Variants in SERPINB8 observed in about 807,000 individuals in gnomAD.
The protein encoded by SERPINB8 is serpin B8.
Under a neutral mutation model 35.3 loss-of-function variants are expected in SERPINB8, and 25 were observed. The observed-to-expected ratio is 0.71, with a 90% CI of 0.52 to 0.99. The LOEUF (loss-of-function observed/expected upper bound fraction) is 0.99. Ranked by LOEUF, SERPINB8 falls within the 50% of genes least tolerant of loss-of-function variation. The pLI, the probability that SERPINB8 is intolerant of heterozygous loss-of-function variation, is 0.00. For missense variants in SERPINB8, 484 were observed against 446.5 expected (o/e 1.08, Z -0.76); for synonymous variants, 186 against 160.8 (o/e 1.16, Z -1.19).
intron 1 of SERPINB8, among the ~76,000 whole-genome samples, chr18:63,974,405 C>T (rs908448858): frequency 4.6e-5 from 7 of 152,024 alleles, no homozygotes; most frequent in Non-Finnish European, 1.0e-4. Flanking sequence ...GGAGGTAGTT[C>T]GTAGGTATTT....
intron 1 of SERPINB8, among the ~76,000 whole-genome samples, chr18:64,001,530 G>T (rs1305433544): frequency 1.3e-5 from 2 of 151,560 alleles, no homozygotes; most frequent in African/African-American, 2.4e-5. Flanking sequence ...TGCTCTTGTT[G>T]CCCAGGCTGG....
In SERPINB8 at chr18:63,987,223, T is replaced by C. The variant is rs759568924; in HGVS notation, c.1070T>C (p.Ile357Thr). The change falls in exon 7 of 7, where the codon ATC becomes ACC. Residue 357 changes from isoleucine to threonine, a missense_variant. Coordinates refer to ENST00000397985, the MANE Select transcript of SERPINB8 (RefSeq NM_002640.4). ...GCAGACCACCCTTTTCTTTTCTTCATCAGGCACCACAAAACCAACTGCATC... is the reference window on the plus strand; with the variant it reads ...GCAGACCACCCTTTTCTTTTCTTCACCAGGCACCACAAAACCAACTGCATC... ...FCADHPFLFF[I>T]RHHKTNCILF... 6.2e-7 allele frequency: 1 copy of C among 1,614,136 alleles called. No homozygotes were observed. Among genetic ancestry groups the C allele is most frequent in the South Asian group, 1.1e-5 (1 of 91,072 alleles).
chr18:64,018,349 G>T (rs1286391669), intron 7 of SERPINB8, among the ~76,000 whole-genome samples: 1 of 152,100 alleles, frequency 6.6e-6, no homozygotes, highest in Non-Finnish European at 1.5e-5. Context: ...GGAAACAAAA[G>T]AACCAGAAGG....
intron 3 of SERPINB8, among the ~76,000 whole-genome samples, 166 bp downstream of exon 3, chr18:63,980,104 A>G (rs1012521063): frequency 6.6e-6 from 1 of 152,174 alleles, no homozygotes; most frequent in Non-Finnish European, 1.5e-5. Flanking sequence ...TCCTTTGTAA[A>G]TTGTTACTGA....
At chr18:63,978,841 CAT>C (rs572944984) in intron 2 of SERPINB8, among the ~76,000 whole-genome samples, 33 of 150,500 alleles carry the variant, frequency 2.2e-4, no homozygotes, top group Non-Finnish European at 3.2e-4. Context: ...TTTTAATAGA[CAT>C]GTGGGTGCGT....
chr18:63,978,185 G>A (rs2050612142), intron 1 of SERPINB8, 114 bp from the exon 2 acceptor site: 1 of 1,056,900 alleles, frequency 9.5e-7, no homozygotes, highest in East Asian at 2.4e-5. Flanking sequence ...GGAAGTCTTT[G>A]GAGGGTGGTT....
At chr18:64,003,907 C>A (rs778955105) in intron 1 of SERPINB8, among the ~76,000 whole-genome samples, 1 of 152,164 alleles carries the variant, frequency 6.6e-6, no homozygotes, top group South Asian at 2.1e-4. Context: ...ACAGACATAC[C>A]TAGCATAATG....
intron 1 of SERPINB8, among the ~76,000 whole-genome samples, chr18:64,002,461 C>T (rs950565865): frequency 3.3e-5 from 5 of 152,196 alleles, no homozygotes; most frequent in Non-Finnish European, 7.3e-5. Context: ...TCTTGCCCCT[C>T]CTCCAAAATC....
At chr18:64,013,302 T>C (rs923216670) in intron 7 of SERPINB8, among the ~76,000 whole-genome samples, 6 of 152,132 alleles carry the variant, frequency 3.9e-5, no homozygotes, top group African/African-American at 1.4e-4. Context: ...GATTTATCCA[T>C]CAATAGCCAT....
intron 7 of SERPINB8, among the ~76,000 whole-genome samples, chr18:64,017,482 G>A (rs1365807800): frequency 6.6e-6 from 1 of 152,036 alleles, no homozygotes; most frequent in Non-Finnish European, 1.5e-5. Flanking sequence ...TGATGATGAA[G>A]TTAACAAAAA....
chr18:63,987,409 G>A lies in SERPINB8; in HGVS notation c.*131G>A, dbSNP rs1164760119. 9.1e-6 allele frequency: 9 copies of A among 991,152 alleles called. No individual in the cohort carries two copies. The highest frequency in any genetic ancestry group is 1.0e-5 in the Non-Finnish European group (7 of 676,282). 61.4% of individuals were successfully genotyped at this position (991,152 alleles called of 1,614,324 possible). ...CGTGTGCACTGGATAGTGTGTGAAA[G>A]TCTTTGCTGAAAGTTCCAGAGCCAT... is the stretch of plus-strand genomic sequence containing the variant. On this transcript the variant is annotated 3_prime_UTR_variant, in exon 7 of 7. Coordinates refer to ENST00000397985, the MANE Select transcript of SERPINB8 (RefSeq NM_002640.4).
intron 1 of SERPINB8, among the ~76,000 whole-genome samples, chr18:63,973,815 C>T (rs2050533646): frequency 6.6e-6 from 1 of 152,182 alleles, no homozygotes; most frequent in Non-Finnish European, 1.5e-5. Flanking sequence ...GGTATTATTT[C>T]TGAGGCCTCT....
At chr18:64,013,183 C>A (rs1308907293) in intron 7 of SERPINB8, among the ~76,000 whole-genome samples, 1 of 151,328 alleles carries the variant, frequency 6.6e-6, no homozygotes, top group African/African-American at 2.5e-5. Context: ...TCTCTTTCTT[C>A]CCCCCGCTCC....
chr18:63,983,695 A>G lies in SERPINB8; in HGVS notation c.541A>G (p.Arg181Gly). 2 of 1,613,996 alleles carry G rather than the reference A, an allele frequency of 1.2e-6. No homozygotes were observed. The highest frequency in any genetic ancestry group is 1.7e-6 in the Non-Finnish European group (2 of 1,179,838). Residue 181 changes from arginine (R) to glycine (G), a missense_variant, in exon 5 of 7, where the codon AGG (arginine) becomes GGG (glycine). Transcript: ENST00000397985. ...TGAGCAATTTGACAGAAAGTACACA[A>G]GGGGAATGCTCTTTAAAACCAACGA... ...WNEQFDRKYT[R>G]GMLFKTNEEK...
At chr18:64,017,034 C>T (rs1056855448) in intron 7 of SERPINB8, among the ~76,000 whole-genome samples, 5 of 152,230 alleles carry the variant, frequency 3.3e-5, no homozygotes, top group African/African-American at 9.6e-5. Context: ...GCTCCACACA[C>T]ATTTTCCCTC....
chr18:63,982,498 G>A (rs1182252701), intron 4 of SERPINB8, among the ~76,000 whole-genome samples: 2 of 152,140 alleles, frequency 1.3e-5, no homozygotes, highest in Non-Finnish European at 2.9e-5. Flanking sequence ...AACGGTGGAG[G>A]AATTAAGTCA....
In SERPINB8 at chr18:63,988,395, T is replaced by C. The variant is rs998163145; in HGVS notation, c.*1117T>C. On this transcript the variant is annotated 3_prime_UTR_variant, in exon 7 of 7. Coordinates refer to ENST00000397985, the MANE Select transcript of SERPINB8 (RefSeq NM_002640.4). ...GACAGTTTGAGTAATTAAAATTATT[T>C]CTATTAACAAATAATAGATTGCTAA... is the stretch of plus-strand genomic sequence containing the variant. 6.6e-6 allele frequency: 1 copy of C among 152,210 alleles called. No individual in the cohort carries two copies. The allele number at this position is 152,210 out of a possible 1,614,324, so 9.4% of individuals were successfully genotyped here. A position where few individuals can be genotyped will look rare whatever the true frequency, so the allele number is the denominator to read the frequency against.
At chr18:64,006,879 GA>G (rs892142844), downstream of SERPINB8, among the ~76,000 whole-genome samples, 1 of 151,872 alleles carries the variant, frequency 6.6e-6, no homozygotes, top group Non-Finnish European at 1.5e-5. Flanking sequence ...GTCTGTATTA[GA>G]AAAAACAAGG....
At chr18:64,005,002 G>A in exon 2 of SERPINB8, 1 of 395,716 alleles carries the variant, frequency 2.5e-6, no homozygotes, top group East Asian at 3.6e-5. Context: ...ACAGGAGGAT[G>A]TGTGATAACT....
Sources: gnomAD v4.1 joint callset for allele counts (sites outside exome capture counted in the v4.1 genomes callset) on GRCh38, gnomAD v4.1.1 for gene constraint, MANE v1.5 for transcripts, NCBI Gene and HGNC (gene_info 2026-07-23, HGNC 2026-07-21) for gene names.